ETV6: variants seen among roughly 807,000 people sequenced by gnomAD.
ETV6 encodes ETS variant transcription factor 6, also known as transcription factor ETV6.
ETV6 carries 16 observed loss-of-function variants against 51.1 expected under a neutral mutation model. The ratio of observed to expected loss-of-function variants is 0.31; its 90% CI spans 0.21 to 0.48. ETV6 has a LOEUF of 0.48. Among genes scored for constraint, ETV6 ranks in the 20% least tolerant of loss-of-function variants. ETV6 has a pLI of 0.99. For missense variants in ETV6, 458 were observed against 594.8 expected, an observed-to-expected ratio of 0.77 and a Z score of 2.39; for synonymous variants, 240 against 224.1, an observed-to-expected ratio of 1.07 and a Z score of -0.64.
intron 1 of ETV6, among the ~76,000 whole-genome samples, chr12:11,659,614 A>G (rs185589199): frequency 2.1e-4 from 32 of 152,240 alleles, no homozygotes; most frequent in African/African-American, 7.0e-4. Flanking sequence ...TACGTCCCCT[A>G]TACGTAAGAT....
chr12:11,717,850 T>G (rs927402753), intron 1 of ETV6, among the ~76,000 whole-genome samples: 1 of 152,200 alleles, frequency 6.6e-6, no homozygotes, highest in African/African-American at 2.4e-5. Flanking sequence ...ATCAGTGGTA[T>G]CTGACCTCCA....
intron 1 of ETV6, among the ~76,000 whole-genome samples, chr12:11,722,335 A>G (rs1030552143): frequency 5.9e-5 from 9 of 151,968 alleles, no homozygotes; most frequent in Non-Finnish European, 1.3e-4. Flanking sequence ...GGAGGAGAAG[A>G]AGGAGGCTCA....
intron 5 of ETV6, among the ~76,000 whole-genome samples, chr12:11,870,876 A>G (rs1279821321): frequency 6.6e-6 from 1 of 152,206 alleles, no homozygotes; most frequent in Non-Finnish European, 1.5e-5. Context: ...ACCAGCATTC[A>G]TTGAGCACCT....
Position 11,781,331 on chromosome 12 carries a change from C to G in ETV6, c.163+28752C>G, listed in dbSNP as rs528607157. On this transcript the variant is annotated intron_variant, in intron 2 of 7. Transcript: ENST00000396373. The stretch of plus-strand genomic sequence containing the variant: ...ATTCAGTGGGAAGTACTTCCCTGCC[C>G]CCTTTTCGTCCCGTTCTTGGATGGT... 1.1e-4 allele frequency among the ~76,000 whole-genome samples: 17 copies of G among 152,258 alleles called. No homozygotes were observed. The East Asian group carries it at 2.3e-3, about 21-fold the overall frequency.
At chr12:11,762,381 G>C (rs1473247024) in intron 2 of ETV6, among the ~76,000 whole-genome samples, 1 of 152,198 alleles carries the variant, frequency 6.6e-6, no homozygotes, top group Non-Finnish European at 1.5e-5. Context: ...AACTCAAGGC[G>C]TGTTTGCCTT....
chr12:11,656,065 C>T (rs1863993845), intron 1 of ETV6, among the ~76,000 whole-genome samples: 1 of 152,220 alleles, frequency 6.6e-6, no homozygotes, highest in East Asian at 1.9e-4. Context: ...TCTTCCTCCT[C>T]CATCATCATC....
chr12:11,681,491 G>C (rs901858738), intron 1 of ETV6, among the ~76,000 whole-genome samples: 1 of 31,510 alleles, frequency 3.2e-5, no homozygotes, highest in Non-Finnish European at 8.3e-5. Flanking sequence ...CATTTTCACC[G>C]TTTAAGGTCT....
chr12:11,871,877 A>G (rs1591737939), intron 5 of ETV6, among the ~76,000 whole-genome samples: 2 of 152,302 alleles, frequency 1.3e-5, no homozygotes, highest in East Asian at 1.9e-4. Flanking sequence ...AAAACTGGGG[A>G]AAAAAAGAAT....
chr12:11,737,075 G>A (rs1865714167), intron 1 of ETV6, among the ~76,000 whole-genome samples: 1 of 152,152 alleles, frequency 6.6e-6, no homozygotes, highest in African/African-American at 2.4e-5. Context: ...GGGTCTGAGA[G>A]GTGGATGAAG....
intron 3 of ETV6, among the ~76,000 whole-genome samples, chr12:11,841,503 A>C (rs1168487852): frequency 3.3e-5 from 5 of 152,342 alleles, no homozygotes; most frequent in Middle Eastern, 6.8e-3. Flanking sequence ...TGCCCACCTG[A>C]TGAGTAGAAG....
intron 2 of ETV6, among the ~76,000 whole-genome samples, chr12:11,821,619 T>C (rs1946081742): frequency 6.6e-6 from 1 of 151,900 alleles, no homozygotes. Context: ...GGAGGATTGC[T>C]TGAGGCTAGA....
chr12:11,788,390 C>T (rs749539625), intron 2 of ETV6, among the ~76,000 whole-genome samples: 4 of 152,276 alleles, frequency 2.6e-5, no homozygotes, highest in East Asian at 1.9e-4. Context: ...AACGAACCAC[C>T]ACCTGTTAAA....
intron 1 of ETV6, among the ~76,000 whole-genome samples, chr12:11,702,008 G>A (rs117302992): frequency 6.6e-6 from 1 of 152,280 alleles, no homozygotes; most frequent in East Asian, 1.9e-4. Context: ...TGACATTAGG[G>A]CGTATATGAA....
At chr12:11,722,408 C>G (rs1285800917) in intron 1 of ETV6, among the ~76,000 whole-genome samples, 2 of 152,180 alleles carry the variant, frequency 1.3e-5, no homozygotes, top group African/African-American at 4.8e-5. Context: ...TGTAGAGATA[C>G]ATTCACCTGC....
chr12:11,828,015 TCAATAAA>T (rs1341380388), intron 2 of ETV6, among the ~76,000 whole-genome samples: 1 of 152,236 alleles, frequency 6.6e-6, no homozygotes, highest in Admixed American at 6.5e-5. Context: ...TTTCGATTTC[TCAATAAA>T]TCTGTTTGAG....
At chr12:11,710,344 G>A (rs367953686) in intron 1 of ETV6, among the ~76,000 whole-genome samples, 1 of 151,990 alleles carries the variant, frequency 6.6e-6, no homozygotes, top group Non-Finnish European at 1.5e-5. Context: ...AAGGCATTTA[G>A]TTTCTCTGAC....
At chr12:11,689,817 C>CA (rs1864716801) in intron 1 of ETV6, among the ~76,000 whole-genome samples, 2 of 103,412 alleles carry the variant, frequency 1.9e-5, no homozygotes, top group Admixed American at 1.1e-4. Context: ...CCTCCCCCCC[C>CA]CCCCCACCCC....
chr12:11,853,353 AGCT>A (rs1946584819), intron 3 of ETV6, 71 bp from the exon 4 acceptor site: 1 of 1,581,638 alleles, frequency 6.3e-7, no homozygotes, highest in Non-Finnish European at 8.6e-7. Flanking sequence ...CCAGGCACTT[AGCT>A]GCTGCTCCGT....
intron 2 of ETV6, among the ~76,000 whole-genome samples, chr12:11,830,145 C>CT (rs750972142): frequency 6.6e-6 from 1 of 152,136 alleles, no homozygotes; most frequent in Non-Finnish European, 1.5e-5. Context: ...GGGAAGAACT[C>CT]TAAGTAAACC....
Sources: allele counts gnomAD v4.1 joint callset (sites outside exome capture counted in the v4.1 genomes callset), GRCh38; gene constraint gnomAD v4.1.1; transcripts MANE v1.5; gene names NCBI Gene and HGNC (gene_info 2026-07-23, HGNC 2026-07-21).